The following CCDC149 variants were observed in gnomAD, a reference collection of about 807,000 sequenced individuals.
CCDC149 encodes coiled-coil domain-containing protein 149.
In CCDC149, 45 loss-of-function variants were observed where a neutral mutation model predicts 59.9. The ratio of observed to expected loss-of-function variants is 0.75; its 90% CI spans 0.59 to 0.96. CCDC149 has a LOEUF of 0.96. Ranked by LOEUF, CCDC149 falls within the 40% of genes least tolerant of loss-of-function variation. The pLI, the probability that CCDC149 is intolerant of heterozygous loss-of-function variation, is 0.00. For synonymous variants in CCDC149, 245 were observed against 260.6 expected (o/e 0.94, Z 0.58); for missense variants, 584 against 664.7 (o/e 0.88, Z 1.33).
intron 1 of CCDC149, among the ~76,000 whole-genome samples, chr4:24,937,447 C>T (rs1722816740): frequency 6.6e-6 from 1 of 152,126 alleles, no homozygotes; most frequent in African/African-American, 2.4e-5. Flanking sequence ...TATTAAAAAC[C>T]CACATTTCAG....
chr4:24,879,517 C>CAA lies in CCDC149; in HGVS notation c.64-2822_64-2821dup, dbSNP rs34213743. Among the ~76,000 whole-genome samples, 61 of 115,966 alleles carry CAA rather than the reference C, an allele frequency of 5.3e-4. 1 individual carries two copies. Among genetic ancestry groups the CAA allele is most frequent in the Admixed American group, 1.6e-3 (18 of 11,000 alleles). 76.1% of individuals were successfully genotyped at this position (115,966 alleles called of 152,430 possible). A position where few individuals can be genotyped will look rare whatever the true frequency, so the allele number is the denominator to read the frequency against. ...GGCAAAAAGAGCGAAACTCTTGTCT[C>CAA]AAAAAAAAAAAAAAAAAATTAGCTG... On this transcript the variant is annotated intron_variant, in intron 1 of 12. Transcript: ENST00000635206.
At position 24,837,178 on chromosome 4, in the gene CCDC149, G is replaced by A; in HGVS notation, c.662+50C>T. 1 of 1,580,030 alleles carries A rather than the reference G, an allele frequency of 6.3e-7. No individual in the cohort carries two copies. The highest frequency in any genetic ancestry group is 8.7e-7 in the Non-Finnish European group (1 of 1,153,220). On this transcript the variant is annotated intron_variant, in intron 6 of 12. Coordinates refer to ENST00000635206, the MANE Select transcript of CCDC149 (RefSeq NM_001330643.2). This position sits in a 1 kb window ranked among gnomAD's most constrained non-coding sequence, Gnocchi z 4.3. ...CAAATAACTCCCAGCCTGCAGGCCT[G>A]TGCAGAGCCAGCCTTCCTCCCACGC...
chr4:24,945,196 T>A (rs575057713), intron 1 of CCDC149, among the ~76,000 whole-genome samples: 368 of 152,218 alleles, frequency 2.4e-3, no homozygotes, highest in Admixed American at 5.8e-3. Flanking sequence ...TTGAATAGCA[T>A]CCCACCCCCT....
At chr4:24,917,528 G>A (rs548580586), upstream of CCDC149, among the ~76,000 whole-genome samples, 1 of 152,298 alleles carries the variant, frequency 6.6e-6, no homozygotes, top group African/African-American at 2.4e-5. Context: ...CCAGAAGGGG[G>A]ACTAAGATGT....
At chr4:24,874,255 T>TGTTG (rs1282192570) in intron 2 of CCDC149, among the ~76,000 whole-genome samples, 6 of 80,714 alleles carry the variant, frequency 7.4e-5, no homozygotes, top group African/African-American at 4.1e-4. Flanking sequence ...TTTTTTTTTT[T>TGTTG]TTTTGTTTTG....
At chr4:24,935,967 A>T (rs1337103820) in intron 1 of CCDC149, among the ~76,000 whole-genome samples, 2 of 152,222 alleles carry the variant, frequency 1.3e-5, no homozygotes, top group African/African-American at 4.8e-5. Flanking sequence ...GAGTAAGCAG[A>T]AGTAACAAGA....
chr4:24,856,932 G>A (rs751256845), intron 3 of CCDC149, among the ~76,000 whole-genome samples: 15 of 152,234 alleles, frequency 9.9e-5, no homozygotes, highest in African/African-American at 2.9e-4. Flanking sequence ...GCAGCCCAGC[G>A]CTTGCTCGGT....
intron 3 of CCDC149, among the ~76,000 whole-genome samples, chr4:24,864,167 T>G (rs1030197154): frequency 6.6e-6 from 1 of 152,222 alleles, no homozygotes; most frequent in African/African-American, 2.4e-5. Flanking sequence ...ATAATAGCCC[T>G]TCTCAAAAAT....
rs952473433 is a variant in CCDC149 at position 24,807,052 on chromosome 4, C to T, written c.*1337G>A. On this transcript the variant is annotated 3_prime_UTR_variant, in exon 13 of 13. Coordinates refer to ENST00000635206, the MANE Select transcript of CCDC149 (RefSeq NM_001330643.2). Reference sequence around the variant, plus strand: ...ACATTGAATTTTTAGGATGCATTTTCACTGAGAGGCTACCACTCTGGGAGC... The same window carrying T: ...ACATTGAATTTTTAGGATGCATTTTTACTGAGAGGCTACCACTCTGGGAGC... 8 of 152,116 alleles carry T rather than the reference C, an allele frequency of 5.3e-5. No homozygotes were observed. Among genetic ancestry groups the T allele is most frequent in the African/African-American group, 1.9e-4 (8 of 41,424 alleles). 9.4% of individuals were successfully genotyped at this position (152,116 alleles called of 1,614,324 possible). A position where few individuals can be genotyped will look rare whatever the true frequency, so the allele number is the denominator to read the frequency against.
chr4:24,836,862 C>T (rs1387153861), intron 6 of CCDC149, among the ~76,000 whole-genome samples: 2 of 152,172 alleles, frequency 1.3e-5, no homozygotes, highest in East Asian at 1.9e-4. Flanking sequence ...GACACACACA[C>T]ACTGAAATTT....
intron 1 of CCDC149, among the ~76,000 whole-genome samples, chr4:24,922,248 C>T (rs1163214951): frequency 1.3e-5 from 2 of 152,134 alleles, no homozygotes; most frequent in African/African-American, 2.4e-5. Context: ...ACTTTCTTTT[C>T]GATGAGACAT....
chr4:24,872,883 C>G (rs932937615), intron 3 of CCDC149, among the ~76,000 whole-genome samples: 1 of 151,712 alleles, frequency 6.6e-6, no homozygotes, highest in East Asian at 1.9e-4. Context: ...TGGTATGTGT[C>G]CATTGAATGG....
At chr4:24,956,157 A>C (rs1723459834) in intron 1 of CCDC149, among the ~76,000 whole-genome samples, 1 of 152,130 alleles carries the variant, frequency 6.6e-6, no homozygotes, top group African/African-American at 2.4e-5. Context: ...GTGTATGCTG[A>C]GTCATTTCTC....
rs150652508 is a variant in CCDC149, at chr4:24,844,280, G to A, written c.373-6008C>T. 1.5e-3 allele frequency among the ~76,000 whole-genome samples: 233 copies of A among 152,190 alleles called. 3 individuals carry two copies. The highest frequency in any genetic ancestry group is 5.2e-3 in the African/African-American group (214 of 41,512). On this transcript the variant is annotated intron_variant, in intron 4 of 12. Transcript: ENST00000635206. Reference sequence around the variant, plus strand: ...AACCGTGTCTGGCTAACCATAGCCCGTCCTCAAATGCTTCTTAGATCTATT... The same window carrying A: ...AACCGTGTCTGGCTAACCATAGCCCATCCTCAAATGCTTCTTAGATCTATT...
In CCDC149 at chr4:24,808,309, G is replaced by T; in HGVS notation, c.*80C>A. 1 of 1,295,516 alleles carries T rather than the reference G, an allele frequency of 7.7e-7. No individual in the cohort carries two copies. The highest frequency in any genetic ancestry group is 1.0e-6 in the Non-Finnish European group (1 of 986,796). 80.3% of individuals were successfully genotyped at this position (1,295,516 alleles called of 1,614,324 possible). A position where few individuals can be genotyped will look rare whatever the true frequency, so the allele number is the denominator to read the frequency against. ...CGGAGGTATTTCAGGAGAAGGCGAC[G>T]TGAGCGCACCATTCCGATGCTTCAT... On this transcript the variant is annotated 3_prime_UTR_variant, in exon 13 of 13. Transcript: ENST00000635206.
intron 10 of CCDC149, among the ~76,000 whole-genome samples, chr4:24,821,495 T>A (rs1031501021): frequency 2.0e-5 from 3 of 152,190 alleles, no homozygotes; most frequent in African/African-American, 7.2e-5. Context: ...GACAACAAGT[T>A]CAAGGAATCA....
chr4:24,831,328 T>C, intron 9 of CCDC149, 178 bp downstream of exon 9: 2 of 628,438 alleles, frequency 3.2e-6, no homozygotes, highest in South Asian at 4.0e-5. Context: ...CTCCAGCTGA[T>C]AGCCAAGATG....
At chr4:24,903,757 C>G (rs1190770885) in intron 1 of CCDC149, among the ~76,000 whole-genome samples, 1 of 151,802 alleles carries the variant, frequency 6.6e-6, no homozygotes, top group Non-Finnish European at 1.5e-5. Context: ...TACCTTCAGG[C>G]TCTGGTAATC....
At chr4:24,917,415 A>AAGGGGGCACAGGCTTG (rs1560255991), upstream of CCDC149, among the ~76,000 whole-genome samples, 2 of 152,086 alleles carry the variant, frequency 1.3e-5, no homozygotes, top group African/African-American at 4.8e-5. Context: ...TTGTCATCCT[A>AAGGGGGCACAGGCTTG]AGGGGGCACA....
Sources: allele counts gnomAD v4.1 joint callset (sites outside exome capture counted in the v4.1 genomes callset), GRCh38; gene constraint gnomAD v4.1.1; non-coding constraint Gnocchi (gnomAD v3.1); transcripts MANE v1.5; gene names NCBI Gene and HGNC (gene_info 2026-07-23, HGNC 2026-07-21).